MORC3: variants seen among roughly 807,000 people sequenced by gnomAD.
MORC3 encodes the protein MORC family CW-type zinc finger 3.
MORC3 carries 31 observed loss-of-function variants against 109.1 expected under a neutral mutation model. The ratio of observed to expected loss-of-function variants is 0.28; its 90% CI spans 0.21 to 0.38. MORC3 has a LOEUF of 0.38. MORC3 is among the 10% of genes least tolerant of loss of function. The probability of loss-of-function intolerance (pLI) is 1.00; values close to 1 mark genes in which losing one functional copy is unlikely to be tolerated. For missense variants in MORC3, 867 were observed against 1,135.8 expected, an observed-to-expected ratio of 0.76 and a Z score of 3.40; for synonymous variants, 395 against 380.7, an observed-to-expected ratio of 1.04 and a Z score of -0.44.
At chr21:36,343,329 A>G (rs2085471690) in intron 6 of MORC3, among the ~76,000 whole-genome samples, 1 of 152,014 alleles carries the variant, frequency 6.6e-6, no homozygotes, top group African/African-American at 2.4e-5. Flanking sequence ...TCCCGACCTC[A>G]GTGATCTGCC....
intron 8 of MORC3, 104 bp downstream of exon 8, chr21:36,345,135 G>T (rs939663257): frequency 1.6e-6 from 2 of 1,214,696 alleles, no homozygotes; most frequent in African/African-American, 1.6e-5. Flanking sequence ...TGTACCTTTT[G>T]CCTATAGCTT....
intron 15 of MORC3, among the ~76,000 whole-genome samples, chr21:36,371,529 G>T (rs1282006214): frequency 6.6e-6 from 1 of 152,162 alleles, no homozygotes; most frequent in East Asian, 1.9e-4. Context: ...AACATACTGA[G>T]TATTTCATGT....
intron 16 of MORC3, among the ~76,000 whole-genome samples, chr21:36,374,942 A>G (rs1202079005): frequency 6.6e-6 from 1 of 152,226 alleles, no homozygotes; most frequent in Non-Finnish European, 1.5e-5. Context: ...AATGCTGGGA[A>G]TACAGGCATG....
chr21:36,322,533 G>C (rs1460473161), intron 1 of MORC3, among the ~76,000 whole-genome samples: 1 of 151,962 alleles, frequency 6.6e-6, no homozygotes, highest in African/African-American at 2.4e-5. Context: ...CACCACACCC[G>C]GCTAATTTTG....
intron 1 of MORC3, among the ~76,000 whole-genome samples, chr21:36,328,332 C>A (rs182159445): frequency 3.4e-5 from 5 of 145,478 alleles, no homozygotes; most frequent in East Asian, 2.0e-4. Context: ...AATAATAAGC[C>A]CCCCCCCGCC....
intron 9 of MORC3, among the ~76,000 whole-genome samples, chr21:36,354,516 G>C (rs1243439951): frequency 6.6e-6 from 1 of 151,770 alleles, no homozygotes; most frequent in Admixed American, 6.6e-5. Flanking sequence ...TATTGGCCAG[G>C]CTGGTCTTGA....
At chr21:36,371,526 T>A (rs1033435624) in intron 15 of MORC3, among the ~76,000 whole-genome samples, 1 of 152,198 alleles carries the variant, frequency 6.6e-6, no homozygotes, top group African/African-American at 2.4e-5. Context: ...TACAACATAC[T>A]GAGTATTTCA....
intron 9 of MORC3, among the ~76,000 whole-genome samples, chr21:36,349,717 ATAAACTT>A (rs895450914): frequency 7.0e-4 from 107 of 152,396 alleles, no homozygotes; most frequent in African/African-American, 2.5e-3. Flanking sequence ...TATTTTGAAA[ATAAACTT>A]TAAAAAGAAG....
intron 9 of MORC3, among the ~76,000 whole-genome samples, chr21:36,350,903 C>G (rs1471890489): frequency 6.6e-6 from 1 of 152,048 alleles, no homozygotes; most frequent in Admixed American, 6.6e-5. Flanking sequence ...TATTTTGATA[C>G]AAGCATACAA....
chr21:36,372,061 C>T (rs1157814629), intron 15 of MORC3, among the ~76,000 whole-genome samples: 5 of 152,078 alleles, frequency 3.3e-5, no homozygotes, highest in African/African-American at 9.7e-5. Flanking sequence ...GATCTGCCCA[C>T]CTCAGCCTCC....
At chr21:36,370,633 A>ATTTTTTTTTTTTTTTTTTTTTTTTT (rs2085848041) in intron 15 of MORC3, among the ~76,000 whole-genome samples, 1 of 46,480 alleles carries the variant, frequency 2.2e-5, no homozygotes, top group Admixed American at 3.5e-4. Flanking sequence ...ATATATATAT[A>ATTTTTTTTTTTTTTTTTTTTTTTTT]TATATATTTT....
At chr21:36,363,594 T>C (rs557054808) in intron 13 of MORC3, among the ~76,000 whole-genome samples, 3 of 152,242 alleles carry the variant, frequency 2.0e-5, no homozygotes, top group East Asian at 1.9e-4. Context: ...TCATGAACTT[T>C]ATTGAATACT....
chr21:36,345,818 A>G (rs1459387796), intron 8 of MORC3, among the ~76,000 whole-genome samples: 2 of 151,534 alleles, frequency 1.3e-5, no homozygotes, highest in Non-Finnish European at 1.5e-5. Context: ...CGGTCTCCCA[A>G]AGTGCTGGGA....
At position 36,345,902 on chromosome 21, in the gene MORC3, C is replaced by T. The variant is rs147207004; in HGVS notation, c.1005+871C>T. The stretch of plus-strand genomic sequence containing the variant: ...ACTCTACCTGGCTGGAGTGCAGTGG[C>T]GCAATTTTGGCTCACTGCAGCCTCT... On this transcript the variant is annotated intron_variant, in intron 8 of 16. Coordinates refer to ENST00000400485, the MANE Select transcript of MORC3 (RefSeq NM_015358.3). Among the ~76,000 whole-genome samples, 501 of 151,974 alleles carry T rather than the reference C, an allele frequency of 3.3e-3. 3 individuals are homozygous for T. The highest frequency in any genetic ancestry group is 0.011 in the African/African-American group (459 of 41,422).
intron 1 of MORC3, among the ~76,000 whole-genome samples, chr21:36,321,696 T>C (rs1265794937): frequency 1.3e-5 from 2 of 152,100 alleles, no homozygotes; most frequent in Non-Finnish European, 2.9e-5. Context: ...CCCTCCCTTT[T>C]CCCCCTCTCT....
In MORC3 at chr21:36,366,368, C is replaced by A. The variant is rs530472472; in HGVS notation, c.1619+2109C>A. On this transcript the variant is annotated intron_variant, in intron 14 of 16. Coordinates refer to ENST00000400485, the MANE Select transcript of MORC3 (RefSeq NM_015358.3). ...CATGTTGTTGCAAAGGACATTATTT[C>A]TTTCTTTTTTATGGCTGCAAAGAAA... 2.0e-5 allele frequency among the ~76,000 whole-genome samples: 3 copies of A among 152,240 alleles called. No individual in the cohort carries two copies. In the South Asian group the frequency reaches 6.2e-4, roughly 32 times the overall value.
intron 16 of MORC3, among the ~76,000 whole-genome samples, chr21:36,374,915 C>G (rs1327282990): frequency 6.6e-6 from 1 of 152,192 alleles, no homozygotes; most frequent in East Asian, 1.9e-4. Flanking sequence ...CCAGCGATCT[C>G]CCTCCTCGGC....
At position 36,344,363 on chromosome 21, in the gene MORC3, T is replaced by C. The variant is rs532127566; in HGVS notation, c.757-216T>C. On this transcript the variant is annotated intron_variant, in intron 6 of 16. Transcript: ENST00000400485. ...ATCAGCATCTATATAGATCAGTTGA[T>C]TGTATTCTGCAAGTCATTTTTACTG... Among the ~76,000 whole-genome samples the C allele has an allele frequency of 2.3e-4, 35 of 152,360 alleles. No individual in the cohort carries two copies. The South Asian group carries it at 3.9e-3, about 17-fold the overall frequency.
At chr21:36,369,964 T>C (rs2085835685) in intron 15 of MORC3, 88 bp downstream of exon 15, 1 of 1,475,078 alleles carries the variant, frequency 6.8e-7, no homozygotes, top group Non-Finnish European at 9.1e-7. Flanking sequence ...CGGTGGCTCA[T>C]ACCTGTAATC....
Sources: allele counts gnomAD v4.1 joint callset (sites outside exome capture counted in the v4.1 genomes callset), GRCh38; gene constraint gnomAD v4.1.1; transcripts MANE v1.5; gene names NCBI Gene and HGNC (gene_info 2026-07-23, HGNC 2026-07-21).